Variants in KIRREL3 observed in about 807,000 individuals in gnomAD.
KIRREL3 encodes kin of IRRE-like protein 3.
KIRREL3 carries 36 observed loss-of-function variants against 89.7 expected under a neutral mutation model. That is an observed-to-expected ratio of 0.40 (90% CI 0.31 to 0.53). The LOEUF is 0.53. KIRREL3 is among the 20% of genes least tolerant of loss of function. The pLI, the probability that KIRREL3 is intolerant of heterozygous loss-of-function variation, is 0.49. For synonymous variants in KIRREL3, 445 were observed against 441.4 expected (o/e 1.01, Z -0.10); for missense variants, 864 against 1,056.6 (o/e 0.82, Z 2.53).
rs1946698945 is a variant in KIRREL3 at position 126,687,231 on chromosome 11, T to A, written c.56-124319A>T. ...GCGCCAGGCAGTGAGCTAGTCCTTATTTTCACACCTGGCTTTCTTGCCTAA... is the reference window on the plus strand; with the variant it reads ...GCGCCAGGCAGTGAGCTAGTCCTTAATTTCACACCTGGCTTTCTTGCCTAA... On this transcript the variant is annotated intron_variant, in intron 1 of 16. Transcript: ENST00000525144. This position sits in a 1 kb window ranked among gnomAD's most constrained non-coding sequence, Gnocchi z 4.6. Among the ~76,000 whole-genome samples the A allele has an allele frequency of 6.6e-6, 1 of 152,174 alleles. No individual in the cohort carries two copies. Among genetic ancestry groups the A allele is most frequent in the African/African-American group, 2.4e-5 (1 of 41,446 alleles).
chr11:126,619,569 G>A lies in KIRREL3; in HGVS notation c.56-56657C>T, dbSNP rs117892239. 6.7e-4 allele frequency among the ~76,000 whole-genome samples: 102 copies of A among 152,350 alleles called. 1 individual carries two copies. The East Asian group carries it at 0.018, about 26-fold the overall frequency. The stretch of plus-strand genomic sequence containing the variant: ...TTCTCTCTTCTACTGATCAAAGTTG[G>A]TTCTTCAAGTAATGACCCTTATGAA... On this transcript the variant is annotated intron_variant, in intron 1 of 16. Transcript: ENST00000525144.
chr11:126,631,169 A>G (rs919816864), intron 1 of KIRREL3, among the ~76,000 whole-genome samples: 1 of 151,702 alleles, frequency 6.6e-6, no homozygotes, highest in Non-Finnish European at 1.5e-5. Context: ...TCATTCTGCT[A>G]TGTATTCAGC....
chr11:126,707,817 C>T (rs1947594434), intron 1 of KIRREL3, among the ~76,000 whole-genome samples: 1 of 146,092 alleles, frequency 6.8e-6, no homozygotes, highest in South Asian at 2.3e-4. Flanking sequence ...AGTGCTTCCT[C>T]TTGGTCCTTG....
intron 1 of KIRREL3, among the ~76,000 whole-genome samples, chr11:126,695,498 A>T (rs1019672971): frequency 6.6e-6 from 1 of 150,904 alleles, no homozygotes; most frequent in Non-Finnish European, 1.5e-5. Flanking sequence ...TCCCTGCCAC[A>T]TTTCCCAAGT....
chr11:126,775,841 C>A (rs1950154708), intron 1 of KIRREL3, among the ~76,000 whole-genome samples: 1 of 152,172 alleles, frequency 6.6e-6, no homozygotes, highest in Non-Finnish European at 1.5e-5. Context: ...TCTTCTCAAT[C>A]CAAGCATGGG....
chr11:126,674,290 T>C (rs1234039563), intron 1 of KIRREL3, among the ~76,000 whole-genome samples: 3 of 152,236 alleles, frequency 2.0e-5, no homozygotes, highest in African/African-American at 7.2e-5. Flanking sequence ...TTTGAAGGCA[T>C]ACTAGGTGAT....
chr11:126,869,716 C>A (rs1945046966), intron 1 of KIRREL3, among the ~76,000 whole-genome samples: 1 of 152,154 alleles, frequency 6.6e-6, no homozygotes, highest in Non-Finnish European at 1.5e-5. Flanking sequence ...CCACTCCCAA[C>A]TAGGATTGTA....
intron 2 of KIRREL3, among the ~76,000 whole-genome samples, chr11:126,552,826 A>C (rs1024624509): frequency 1.3e-5 from 2 of 151,712 alleles, no homozygotes; most frequent in African/African-American, 2.4e-5. Flanking sequence ...GCCTCCCAAA[A>C]TGCTGGGATT....
rs1045962929 is a variant in KIRREL3 at position 126,949,214 on chromosome 11, A to G, written c.55+51241T>C. 3.3e-5 allele frequency among the ~76,000 whole-genome samples: 5 copies of G among 152,170 alleles called. No homozygotes were observed. The South Asian group carries it at 6.2e-4, about 19-fold the overall frequency. ...AAGACATGGAACTCACACTCTTACT[A>G]GAAGTGCTGTACAGAAGCAGCGCAT... On this transcript the variant is annotated intron_variant, in intron 1 of 16. Coordinates refer to ENST00000525144, the MANE Select transcript of KIRREL3 (RefSeq NM_032531.4).
At position 126,486,177 on chromosome 11, in the gene KIRREL3, A is replaced by G. The variant is rs79098056; in HGVS notation, c.434-12711T>C. 0.023 allele frequency among the ~76,000 whole-genome samples: 3,483 copies of G among 152,256 alleles called. 144 individuals are homozygous for G. The highest frequency in any genetic ancestry group is 0.075 in the African/African-American group (3,112 of 41,528). On this transcript the variant is annotated intron_variant, in intron 4 of 16. Transcript: ENST00000525144. The surrounding 1 kb of genome is among the most constrained non-coding windows in gnomAD (Gnocchi z 6.2). ...AAGGGAGCTGCAGTGATTTGCACTCAAGCAGACCAGTGTGCCTGTGCCGGC... is the reference window on the plus strand; with the variant it reads ...AAGGGAGCTGCAGTGATTTGCACTCGAGCAGACCAGTGTGCCTGTGCCGGC...
chr11:126,913,991 A>G (rs1056847062), intron 1 of KIRREL3, among the ~76,000 whole-genome samples: 1 of 152,242 alleles, frequency 6.6e-6, no homozygotes, highest in Non-Finnish European at 1.5e-5. Context: ...ACGGTAGACT[A>G]TATTTTGTTT....
At position 126,639,272 on chromosome 11, in the gene KIRREL3, G is replaced by T. The variant is rs1944380222; in HGVS notation, c.56-76360C>A. Among the ~76,000 whole-genome samples the T allele has an allele frequency of 6.6e-6, 1 of 152,172 alleles. No homozygotes were observed. The highest frequency in any genetic ancestry group is 1.5e-5 in the Non-Finnish European group (1 of 68,042). On this transcript the variant is annotated intron_variant, in intron 1 of 16. Coordinates refer to ENST00000525144, the MANE Select transcript of KIRREL3 (RefSeq NM_032531.4). This position sits in a 1 kb window ranked among gnomAD's most constrained non-coding sequence, Gnocchi z 4.3. ...TTTAAAAAAAGAAACCTTACATATTGACTGAATCAGGCCTGTCTCCAATGA... is the reference window on the plus strand; with the variant it reads ...TTTAAAAAAAGAAACCTTACATATTTACTGAATCAGGCCTGTCTCCAATGA...
rs1434591687 is a variant in KIRREL3 at position 126,686,346 on chromosome 11, A to G, written c.56-123434T>C. Among the ~76,000 whole-genome samples the G allele has an allele frequency of 6.6e-6, 1 of 152,136 alleles. No individual in the cohort carries two copies. Among genetic ancestry groups the G allele is most frequent in the Non-Finnish European group, 1.5e-5 (1 of 68,036 alleles). ...CACTCACATATTTTCACTCATTACTAAACATTTATGGACCATTCTAGGAAC... is the reference window on the plus strand; with the variant it reads ...CACTCACATATTTTCACTCATTACTGAACATTTATGGACCATTCTAGGAAC... On this transcript the variant is annotated intron_variant, in intron 1 of 16. Coordinates refer to ENST00000525144, the MANE Select transcript of KIRREL3 (RefSeq NM_032531.4). This position sits in a 1 kb window ranked among gnomAD's most constrained non-coding sequence, Gnocchi z 4.7.
In KIRREL3 at chr11:126,491,854, A is replaced by G. The variant is rs552630618; in HGVS notation, c.434-18388T>C. Reference sequence around the variant, plus strand: ...GTAGCTGGGACTACAGGCGCGCACCACCATGCCTGGCTAATTTTTGTATTT... The same window carrying G: ...GTAGCTGGGACTACAGGCGCGCACCGCCATGCCTGGCTAATTTTTGTATTT... On this transcript the variant is annotated intron_variant, in intron 4 of 16. Transcript: ENST00000525144. This position sits in a 1 kb window ranked among gnomAD's most constrained non-coding sequence, Gnocchi z 5.5. 3.9e-4 allele frequency among the ~76,000 whole-genome samples: 59 copies of G among 152,094 alleles called. No individual in the cohort carries two copies. Among genetic ancestry groups the G allele is most frequent in the Middle Eastern group, 3.4e-3 (1 of 294 alleles).
intron 1 of KIRREL3, among the ~76,000 whole-genome samples, chr11:126,922,119 C>T (rs1050177450): frequency 1.5e-4 from 20 of 132,760 alleles, no homozygotes; most frequent in African/African-American, 5.4e-4. Flanking sequence ...ATCTATCTGT[C>T]TGTCTATCTA....
intron 9 of KIRREL3, 109 bp downstream of exon 9, chr11:126,446,650 G>T: frequency 8.1e-7 from 1 of 1,239,332 alleles, no homozygotes; most frequent in Non-Finnish European, 1.1e-6. Flanking sequence ...TACACTGGAG[G>T]CTGACTCCCC....
chr11:126,486,603 G>A lies in KIRREL3; in HGVS notation c.434-13137C>T, dbSNP rs1032095419. Among the ~76,000 whole-genome samples, 1 of 152,200 alleles carries A rather than the reference G, an allele frequency of 6.6e-6. No homozygotes were observed. The highest frequency in any genetic ancestry group is 1.5e-5 in the Non-Finnish European group (1 of 68,036). On this transcript the variant is annotated intron_variant, in intron 4 of 16. Coordinates refer to ENST00000525144, the MANE Select transcript of KIRREL3 (RefSeq NM_032531.4). This position sits in a 1 kb window ranked among gnomAD's most constrained non-coding sequence, Gnocchi z 6.2. ...TGGGTTGGTGGGAAAAGCCCATCAT[G>A]GTGGCTGCCGTGGACTTGTATAATC...
At chr11:126,886,408 T>C (rs1945698170) in intron 1 of KIRREL3, among the ~76,000 whole-genome samples, 1 of 152,156 alleles carries the variant, frequency 6.6e-6, no homozygotes, top group South Asian at 2.1e-4. Context: ...CCAGCGCTAA[T>C]AAAAAAATAT....
chr11:126,946,742 G>A lies in KIRREL3; in HGVS notation c.55+53713C>T, dbSNP rs1948629591. 1.3e-5 allele frequency among the ~76,000 whole-genome samples: 2 copies of A among 152,094 alleles called. No homozygotes were observed. Among genetic ancestry groups the A allele is most frequent in the Non-Finnish European group, 2.9e-5 (2 of 68,022 alleles). ...AATAATCACTACTCTTATTAATTTT[G>A]TACTTATCATATGTCAGGCAACAGA... On this transcript the variant is annotated intron_variant, in intron 1 of 16. Coordinates refer to ENST00000525144, the MANE Select transcript of KIRREL3 (RefSeq NM_032531.4). The surrounding 1 kb of genome is among the most constrained non-coding windows in gnomAD (Gnocchi z 4.1).
Sources: allele counts gnomAD v4.1 joint callset (sites outside exome capture counted in the v4.1 genomes callset), GRCh38; gene constraint gnomAD v4.1.1; non-coding constraint Gnocchi (gnomAD v3.1); transcripts MANE v1.5; gene names NCBI Gene and HGNC (gene_info 2026-07-23, HGNC 2026-07-21).